SNTB2: variants seen among roughly 807,000 people sequenced by gnomAD.
The protein encoded by SNTB2 is beta-2-syntrophin.
A neutral mutation model predicts 46.2 loss-of-function variants in SNTB2; 34 were observed. That is an observed-to-expected ratio of 0.74 (90% CI 0.56 to 0.98). The LOEUF is 0.98. SNTB2 is among the 50% of genes least tolerant of loss of function. SNTB2 has a pLI of 0.00. For missense variants in SNTB2, 603 were observed against 731.4 expected (o/e 0.82, Z 2.02); for synonymous variants, 290 against 312.6 (o/e 0.93, Z 0.76).
Position 69,187,707 on chromosome 16 carries a change from C to T in SNTB2, c.541C>T (p.Gln181Ter). Residue 181 changes from glutamine (Q) to a stop codon, truncating the protein, a stop_gained, in exon 1 of 7, where the codon CAG (glutamine) becomes TAG (stop). Transcript: ENST00000336278. LOFTEE classifies it high-confidence loss of function. ...LRQATHDQAV[Q>*]ALKRAGKEVL... ...CCAGGCCACCCACGACCAGGCCGTG[C>T]AGGCGCTGAAGCGCGCGGGCAAGGA... 1 of 1,438,468 alleles carries T rather than the reference C, an allele frequency of 7.0e-7. No individual in the cohort carries two copies. Among genetic ancestry groups the T allele is most frequent in the South Asian group, 1.2e-5 (1 of 82,648 alleles). The allele number at this position is 1,438,468 out of a possible 1,614,324, so 89.1% of individuals were successfully genotyped here.
At chr16:69,258,586 G>A (rs1964800741) in intron 2 of SNTB2, among the ~76,000 whole-genome samples, 1 of 140,718 alleles carries the variant, frequency 7.1e-6, no homozygotes, top group African/African-American at 2.6e-5. Flanking sequence ...ATAATCTTCT[G>A]CTAATTTTCT....
At chr16:69,256,587 C>A (rs748467314) in intron 2 of SNTB2, among the ~76,000 whole-genome samples, 8 of 152,134 alleles carry the variant, frequency 5.3e-5, no homozygotes, top group Non-Finnish European at 1.2e-4. Flanking sequence ...TCTTTCGTGA[C>A]TGGCTTATTT....
rs369346976 is a variant in SNTB2, at chr16:69,284,108, T to C, written c.1209T>C (p.Ala403=). 66 of 1,613,948 alleles carry C rather than the reference T, an allele frequency of 4.1e-5. No individual in the cohort carries two copies. The highest frequency in any genetic ancestry group is 3.3e-4 in the Middle Eastern group (2 of 6,084). The change falls in exon 5 of 7, where the codon GCT becomes GCC. Residue 403 remains alanine, a synonymous_variant. Transcript: ENST00000336278. The part of the protein sequence containing the change: ...SPSLGSDLTF[A]TRTGSRQGIE... ...CCCTTGGATCTGACCTTACATTTGCTACCAGGACAGGCTCTCGACAGGGCA... is the reference window on the plus strand; with the variant it reads ...CCCTTGGATCTGACCTTACATTTGCCACCAGGACAGGCTCTCGACAGGGCA...
In SNTB2 at chr16:69,302,386, G is replaced by T. The variant is rs1965282883; in HGVS notation, c.*1462G>T. 6.6e-6 allele frequency: 1 copy of T among 152,176 alleles called. No homozygotes were observed. The highest frequency in any genetic ancestry group is 1.5e-5 in the Non-Finnish European group (1 of 68,034). The allele number at this position is 152,176 out of a possible 1,614,324, so 9.4% of individuals were successfully genotyped here. ...TCAAAGAATAGGTAATATTGACTTG[G>T]ATGTTCTTTATGCTCTCTGAAGAAA... On this transcript the variant is annotated 3_prime_UTR_variant, in exon 7 of 7. Transcript: ENST00000336278.
intron 2 of SNTB2, among the ~76,000 whole-genome samples, chr16:69,246,703 G>A (rs924154181): frequency 5.6e-5 from 8 of 142,664 alleles, no homozygotes; most frequent in Non-Finnish European, 7.6e-5. Flanking sequence ...GACTCTTTTT[G>A]GTTGGTAAAC....
chr16:69,217,722 T>C, intron 1 of SNTB2, among the ~76,000 whole-genome samples: 1 of 152,220 alleles, frequency 6.6e-6, no homozygotes, highest in Non-Finnish European at 1.5e-5. Flanking sequence ...ACAAGGGTTT[T>C]TAGCCATGGC....
At position 69,241,511 on chromosome 16, in the gene SNTB2, G is replaced by A. The variant is rs970185238; in HGVS notation, c.581-4091G>A. On this transcript the variant is annotated intron_variant, in intron 1 of 6. Coordinates refer to ENST00000336278, the MANE Select transcript of SNTB2 (RefSeq NM_006750.4). ...TAAGCTTTAAAAAGCCAGGGTGGGC[G>A]TGGTGGCTCAAGCCTGTAATCCCAG... Among the ~76,000 whole-genome samples, 8 of 151,002 alleles carry A rather than the reference G, an allele frequency of 5.3e-5. No homozygotes were observed. The East Asian group carries it at 6.0e-4, about 11-fold the overall frequency.
At chr16:69,218,016 C>G (rs1964365267) in intron 1 of SNTB2, among the ~76,000 whole-genome samples, 1 of 152,126 alleles carries the variant, frequency 6.6e-6, no homozygotes, top group South Asian at 2.1e-4. Context: ...ACACAATACA[C>G]TTGGAGTTAA....
At position 69,308,767 on chromosome 16, in the gene SNTB2, C is replaced by T. The variant is rs1488833659; in HGVS notation, c.*7843C>T. 1 of 152,112 alleles carries T rather than the reference C, an allele frequency of 6.6e-6. No homozygotes were observed. 9.4% of individuals were successfully genotyped at this position (152,112 alleles called of 1,614,324 possible). A position where few individuals can be genotyped will look rare whatever the true frequency, so the allele number is the denominator to read the frequency against. On this transcript the variant is annotated 3_prime_UTR_variant, in exon 7 of 7. Coordinates refer to ENST00000336278, the MANE Select transcript of SNTB2 (RefSeq NM_006750.4). ...TTCTTTTTAGAACCCTGTATTTAAA[C>T]AAGCCTTCTTTTTAAGTCTTGTTTG...
Position 69,305,846 on chromosome 16 carries a change from G to A in SNTB2, c.*4922G>A, listed in dbSNP as rs1415506712. On this transcript the variant is annotated 3_prime_UTR_variant, in exon 7 of 7. Coordinates refer to ENST00000336278, the MANE Select transcript of SNTB2 (RefSeq NM_006750.4). The stretch of plus-strand genomic sequence containing the variant: ...CTTTCTCTGTGCCCCCTAATTGCTT[G>A]GTAATCTAAAATTATTCTGACTTTC... The A allele has an allele frequency of 1.3e-5, 2 of 150,806 alleles. No homozygotes were observed. Among genetic ancestry groups the A allele is most frequent in the Non-Finnish European group, 2.9e-5 (2 of 67,804 alleles). The allele number at this position is 150,806 out of a possible 1,614,324, so 9.3% of individuals were successfully genotyped here.
chr16:69,237,854 C>T (rs887300435), intron 1 of SNTB2, among the ~76,000 whole-genome samples: 1 of 152,100 alleles, frequency 6.6e-6, no homozygotes, highest in Non-Finnish European at 1.5e-5. Flanking sequence ...CCTCCTGCCT[C>T]GGCCTCCCAA....
At position 69,302,144 on chromosome 16, in the gene SNTB2, A is replaced by G. The variant is rs1965281255; in HGVS notation, c.*1220A>G. ...TACTATTGGCTTCACAGCACACCCT[A>G]CAGTGAGCAGGGTGATGAGACCGTG... On this transcript the variant is annotated 3_prime_UTR_variant, in exon 7 of 7. Coordinates refer to ENST00000336278, the MANE Select transcript of SNTB2 (RefSeq NM_006750.4). The G allele has an allele frequency of 6.6e-6, 1 of 152,154 alleles. No homozygotes were observed. The highest frequency in any genetic ancestry group is 2.4e-5 in the African/African-American group (1 of 41,434). 9.4% of individuals were successfully genotyped at this position (152,154 alleles called of 1,614,324 possible). A position where few individuals can be genotyped will look rare whatever the true frequency, so the allele number is the denominator to read the frequency against.
chr16:69,245,536 CTTTAG>C (rs1319643149), intron 1 of SNTB2, 61 bp from the exon 2 acceptor site: 3 of 1,449,716 alleles, frequency 2.1e-6, no homozygotes, highest in African/African-American at 2.8e-5. Flanking sequence ...TATGTGAATA[CTTTAG>C]TTATCATTTA....
At chr16:69,282,306 C>CAAAA (rs751287865) in intron 4 of SNTB2, among the ~76,000 whole-genome samples, 10 of 113,086 alleles carry the variant, frequency 8.8e-5, no homozygotes, top group African/African-American at 2.9e-4. Flanking sequence ...ACTAAAAATA[C>CAAAA]AAAAAAAAAA....
At chr16:69,193,129 T>A (rs1462613071) in intron 1 of SNTB2, among the ~76,000 whole-genome samples, 1 of 151,890 alleles carries the variant, frequency 6.6e-6, no homozygotes, top group Non-Finnish European at 1.5e-5. Flanking sequence ...GGTTGGTCAT[T>A]CCTGTAATCT....
chr16:69,263,833 T>G (rs1964859381), intron 3 of SNTB2, among the ~76,000 whole-genome samples: 2 of 152,088 alleles, frequency 1.3e-5, no homozygotes, highest in Admixed American at 1.3e-4. Flanking sequence ...TGCCAAGACT[T>G]TTTTATTTTA....
intron 1 of SNTB2, among the ~76,000 whole-genome samples, chr16:69,230,735 A>G (rs1466998566): frequency 6.8e-6 from 1 of 146,306 alleles, no homozygotes. Context: ...TTCCTAACCA[A>G]CCCGTTTCTT....
chr16:69,301,909 C>G lies in SNTB2; in HGVS notation c.*985C>G, dbSNP rs1444858156. On this transcript the variant is annotated 3_prime_UTR_variant, in exon 7 of 7. Coordinates refer to ENST00000336278, the MANE Select transcript of SNTB2 (RefSeq NM_006750.4). ...GAGGTGGGTTTCCTTAATGGCATCT[C>G]TTCTAGTAGGCAGATCTGTTTGAAC... 6.6e-6 allele frequency: 1 copy of G among 152,564 alleles called. No homozygotes were observed. The highest frequency in any genetic ancestry group is 1.5e-5 in the Non-Finnish European group (1 of 68,026). 9.5% of individuals were successfully genotyped at this position (152,564 alleles called of 1,614,324 possible). A position where few individuals can be genotyped will look rare whatever the true frequency, so the allele number is the denominator to read the frequency against.
chr16:69,196,934 AT>A (rs1405307115), intron 1 of SNTB2, among the ~76,000 whole-genome samples: 11 of 152,156 alleles, frequency 7.2e-5, no homozygotes, highest in Non-Finnish European at 1.6e-4. Context: ...GATTGGCTTA[AT>A]TTTCAGGAAA....
Sources: gnomAD v4.1 joint callset for allele counts (sites outside exome capture counted in the v4.1 genomes callset) on GRCh38, gnomAD v4.1.1 for gene constraint, MANE v1.5 for transcripts, NCBI Gene and HGNC (gene_info 2026-07-23, HGNC 2026-07-21) for gene names.